The following MINAR1 variants were observed in gnomAD, a reference collection of about 807,000 sequenced individuals.
MINAR1 encodes major intrinsically disordered Notch2-binding receptor 1.
A neutral mutation model predicts 65.1 loss-of-function variants in MINAR1; 40 were observed. The ratio of observed to expected loss-of-function variants is 0.61; its 90% CI spans 0.48 to 0.80. MINAR1 has a LOEUF of 0.80. Ranked by LOEUF, MINAR1 falls within the 30% of genes least tolerant of loss-of-function variation. The probability of loss-of-function intolerance (pLI) is 0.00; values close to 1 mark genes in which losing one functional copy is unlikely to be tolerated. For synonymous variants in MINAR1, 482 were observed against 449.1 expected (o/e 1.07, Z -0.93); for missense variants, 1,128 against 1,148.0 (o/e 0.98, Z 0.25).
intron 1 of MINAR1, among the ~76,000 whole-genome samples, chr15:79,450,702 A>G (rs984005820): frequency 1.3e-5 from 2 of 152,148 alleles, no homozygotes; most frequent in African/African-American, 4.8e-5. Context: ...AAGTCTTTAA[A>G]TAAGTTGAAA....
intron 1 of MINAR1, among the ~76,000 whole-genome samples, chr15:79,433,704 C>A (rs987941674): frequency 1.3e-5 from 2 of 152,182 alleles, no homozygotes; most frequent in African/African-American, 4.8e-5. Context: ...AAACGAGCTG[C>A]CACTGCTACC....
chr15:79,429,309 G>T (rs374107983), upstream of MINAR1, among the ~76,000 whole-genome samples: 13 of 152,318 alleles, frequency 8.5e-5, no homozygotes, highest in East Asian at 1.5e-3. Flanking sequence ...TTAAATTTAA[G>T]TAGAACCCTC....
At chr15:79,439,301 G>C (rs1469250632) in intron 1 of MINAR1, among the ~76,000 whole-genome samples, 1 of 125,404 alleles carries the variant, frequency 8.0e-6, no homozygotes, top group African/African-American at 3.0e-5. Context: ...GGTGGGCGTG[G>C]GTGGGGTGGG....
chr15:79,463,101 G>C lies in MINAR1; in HGVS notation c.2333G>C (p.Arg778Pro). 1 of 1,614,068 alleles carries C rather than the reference G, an allele frequency of 6.2e-7. No homozygotes were observed. The highest frequency in any genetic ancestry group is 1.6e-4 in the Middle Eastern group (1 of 6,062). The change falls in exon 3 of 4, where the codon CGA becomes CCA. Residue 778 changes from arginine (R) to proline (P), a missense_variant. Physicochemically the swap from Arg to Pro is moderately radical, Grantham distance 103 (BLOSUM62 -2). Coordinates refer to ENST00000305428, the MANE Select transcript of MINAR1 (RefSeq NM_015206.3). ...CAGTACGACATTCCCCCACAGCACC[G>C]ACTGCCCAAGCAGCCCAAAGATGGC... ...DRQYDIPPQHRLPKQPKDGFL... is the reference protein window; with the variant it reads ...DRQYDIPPQHPLPKQPKDGFL...
intron 1 of MINAR1, among the ~76,000 whole-genome samples, chr15:79,449,792 G>T (rs1266623696): frequency 6.6e-6 from 1 of 152,140 alleles, no homozygotes; most frequent in East Asian, 1.9e-4. Flanking sequence ...TAAATTGTTT[G>T]TCCAGCTCCA....
At chr15:79,418,006 A>G in the MINAR1 span, 1 of 152,240 alleles carries the variant, frequency 6.6e-6, no homozygotes, top group Non-Finnish European at 1.5e-5. Context: ...CGGAATTATC[A>G]TACATTCTAA....
chr15:79,434,329 A>G (rs558993899), intron 1 of MINAR1, among the ~76,000 whole-genome samples: 1 of 152,266 alleles, frequency 6.6e-6, no homozygotes, highest in Non-Finnish European at 1.5e-5. Flanking sequence ...ATGTCTTTCC[A>G]CTTTCTAAAA....
At chr15:79,411,781 TG>T in the MINAR1 span, 1 of 381,876 alleles carries the variant, frequency 2.6e-6, no homozygotes. Context: ...CACTTCAGCC[TG>T]GGTGGAGCCC....
Position 79,468,715 on chromosome 15 carries a change from T to C in MINAR1, c.*331T>C. 1 of 305,970 alleles carries C rather than the reference T, an allele frequency of 3.3e-6. No homozygotes were observed. Among genetic ancestry groups the C allele is most frequent in the South Asian group, 4.1e-5 (1 of 24,220 alleles). 19.0% of individuals were successfully genotyped at this position (305,970 alleles called of 1,614,324 possible). On this transcript the variant is annotated 3_prime_UTR_variant, in exon 4 of 4. Coordinates refer to ENST00000305428, the MANE Select transcript of MINAR1 (RefSeq NM_015206.3). ...AATTGGGTTCTTTCCATTTTGATGA[T>C]GTTTCATGGTGGGGAATAAGTTATA...
chr15:79,417,312 G>A, the MINAR1 span: 3 of 152,340 alleles, frequency 2.0e-5, no homozygotes, highest in East Asian at 5.8e-4. Flanking sequence ...ATAGTTCCAG[G>A]CATCACTGCA....
intron 1 of MINAR1, among the ~76,000 whole-genome samples, chr15:79,441,046 T>C (rs748275508): frequency 2.6e-5 from 4 of 152,196 alleles, no homozygotes; most frequent in Non-Finnish European, 5.9e-5. Context: ...TTGACCTTGT[T>C]AGTAACCTCA....
In MINAR1 at chr15:79,456,842, C is replaced by T. The variant is rs1270492814; in HGVS notation, c.695C>T (p.Pro232Leu). 1 of 1,614,160 alleles carries T rather than the reference C, an allele frequency of 6.2e-7. No homozygotes were observed. Among genetic ancestry groups the T allele is most frequent in the East Asian group, 2.2e-5 (1 of 44,886 alleles). Residue 232 changes from proline to leucine, a missense_variant, in exon 2 of 4, where the codon CCC becomes CTC. By Grantham distance (98) the Pro-to-Leu change is moderately conservative. Coordinates refer to ENST00000305428, the MANE Select transcript of MINAR1 (RefSeq NM_015206.3). ...NESISDQDSL[P>L]INQSIKETFI... is the part of the protein sequence containing the mutation. ...TCCATTTCAGACCAGGACTCCCTGC[C>T]CATCAATCAGAGCATCAAGGAGACC... is the stretch of plus-strand genomic sequence containing the variant.
At chr15:79,424,279 C>T in the MINAR1 span, 1 of 152,216 alleles carries the variant, frequency 6.6e-6, no homozygotes, top group African/African-American at 2.4e-5. Flanking sequence ...CAAAATAGCA[C>T]CTGAAGCACC....
chr15:79,452,752 T>TGTGG (rs1366854294), intron 1 of MINAR1, among the ~76,000 whole-genome samples: 10 of 123,442 alleles, frequency 8.1e-5, no homozygotes, highest in African/African-American at 2.7e-4. Flanking sequence ...GGGGGGGGTG[T>TGTGG]GTGGGTGAGT....
intron 1 of MINAR1, among the ~76,000 whole-genome samples, chr15:79,446,797 T>G (rs1401281988): frequency 6.6e-6 from 1 of 152,226 alleles, no homozygotes; most frequent in Non-Finnish European, 1.5e-5. Flanking sequence ...CTTTTCTCTC[T>G]CCTAGAATTC....
chr15:79,458,918 A>G (rs1895541534), intron 2 of MINAR1, among the ~76,000 whole-genome samples: 1 of 152,204 alleles, frequency 6.6e-6, no homozygotes, highest in Non-Finnish European at 1.5e-5. Flanking sequence ...TTCATTATAA[A>G]ATAAATTGAT....
At chr15:79,430,850 T>C (rs1257327486), upstream of MINAR1, among the ~76,000 whole-genome samples, 1 of 152,242 alleles carries the variant, frequency 6.6e-6, no homozygotes, top group Non-Finnish European at 1.5e-5. Flanking sequence ...AAGTATCCAT[T>C]TATTAGCAAG....
chr15:79,468,219 G>A lies in MINAR1; in HGVS notation c.2586G>A (p.Glu862=), dbSNP rs374352439. The change falls in exon 4 of 4, where the codon GAG becomes GAA. Residue 862 remains glutamate, a synonymous_variant. Coordinates refer to ENST00000305428, the MANE Select transcript of MINAR1 (RefSeq NM_015206.3). ...TQESLNPNNL[E]YWMEDIYTPG... ...AATCTTTAAACCCAAATAATTTAGA[G>A]TACTGGATGGAAGACATTTATACTC... is the stretch of plus-strand genomic sequence containing the variant. The A allele has an allele frequency of 3.1e-6, 5 of 1,613,914 alleles. No homozygotes were observed. Among genetic ancestry groups the A allele is most frequent in the Non-Finnish European group, 4.2e-6 (5 of 1,179,970 alleles).
intron 2 of MINAR1, 96 bp downstream of exon 2, chr15:79,458,541 C>A: frequency 1.4e-6 from 2 of 1,428,728 alleles, no homozygotes; most frequent in Non-Finnish European, 1.9e-6. Flanking sequence ...AGGCAAGAGG[C>A]CTGGCCTCTG....
Sources: allele counts gnomAD v4.1 joint callset (sites outside exome capture counted in the v4.1 genomes callset), GRCh38; gene constraint gnomAD v4.1.1; transcripts MANE v1.5; gene names NCBI Gene and HGNC (gene_info 2026-07-23, HGNC 2026-07-21).